PSTPIP1: variants seen among roughly 807,000 people sequenced by gnomAD.
The protein encoded by PSTPIP1 is proline-serine-threonine phosphatase interacting protein 1, also known as proline-serine-threonine phosphatase-interacting protein 1.
Under a neutral mutation model 69.6 loss-of-function variants are expected in PSTPIP1, and 66 were observed. That is an observed-to-expected ratio of 0.95 (90% confidence interval 0.78 to 1.16). The LOEUF is 1.16. Among genes scored for constraint, PSTPIP1 ranks in the 50% most tolerant of loss-of-function variants. The pLI, the probability that PSTPIP1 is intolerant of heterozygous loss-of-function variation, is 0.00. For synonymous variants in PSTPIP1, 266 were observed against 222.7 expected, an observed-to-expected ratio of 1.19 and a Z score of -1.73; for missense variants, 603 against 557.4, an observed-to-expected ratio of 1.08 and a Z score of -0.82.
chr15:77,036,218 G>A lies in PSTPIP1; in HGVS notation c.1119+283G>A, dbSNP rs557398563. On this transcript the variant is annotated intron_variant, in intron 14 of 14. Coordinates refer to ENST00000558012, the MANE Select transcript of PSTPIP1 (RefSeq NM_003978.5). ...GTGTGCAGCAGGCCTGTGTCTGCCC[G>A]GGCCTGTACACAGCACACACGTGGA... 6.6e-5 allele frequency among the ~76,000 whole-genome samples: 10 copies of A among 152,246 alleles called. No individual in the cohort carries two copies. In the South Asian group the frequency reaches 1.5e-3, roughly 22 times the overall value.
At chr15:77,023,259 C>A (rs2076201742) in intron 3 of PSTPIP1, among the ~76,000 whole-genome samples, 1 of 152,242 alleles carries the variant, frequency 6.6e-6, no homozygotes, top group Non-Finnish European at 1.5e-5. Flanking sequence ...TGACAGACAT[C>A]CGCTGGGCCA....
intron 10 of PSTPIP1, chr15:77,031,882 T>A (rs2076426463): frequency 5.3e-6 from 1 of 189,224 alleles, no homozygotes; most frequent in Non-Finnish European, 1.1e-5. Flanking sequence ...GGGTTGATTT[T>A]CTTGTTGTTT....
intron 1 of PSTPIP1, among the ~76,000 whole-genome samples, chr15:77,003,790 G>T (rs2075763419): frequency 6.6e-6 from 1 of 152,120 alleles, no homozygotes; most frequent in South Asian, 2.1e-4. Context: ...GGATGTCAGG[G>T]TCGTCATCAC....
chr15:77,016,566 G>C (rs914080013), intron 1 of PSTPIP1, among the ~76,000 whole-genome samples: 4 of 152,148 alleles, frequency 2.6e-5, no homozygotes, highest in African/African-American at 7.2e-5. Context: ...TTGCTCTGTG[G>C]ACAGCTGAGC....
At chr15:77,025,422 C>A (rs1333095710) in intron 4 of PSTPIP1, 76 bp from the exon 5 acceptor site, 15 of 1,588,762 alleles carry the variant, frequency 9.4e-6, no homozygotes, top group Admixed American at 1.7e-5. Context: ...CTGGGCTGGC[C>A]CACACGGGTG....
intron 1 of PSTPIP1, among the ~76,000 whole-genome samples, chr15:76,998,099 G>T (rs560108029): frequency 1.8e-4 from 27 of 152,184 alleles, no homozygotes; most frequent in Admixed American, 1.8e-3. Context: ...TTAGCCAGGC[G>T]TGATGGCATG....
At chr15:76,995,075 C>A, upstream of PSTPIP1, 3 of 1,179,950 alleles carry the variant, frequency 2.5e-6, no homozygotes, top group Non-Finnish European at 3.2e-6. Flanking sequence ...AGCACAGCAA[C>A]TCCACTTCCT....
At chr15:77,022,571 T>G (rs2076182849) in intron 3 of PSTPIP1, among the ~76,000 whole-genome samples, 1 of 152,068 alleles carries the variant, frequency 6.6e-6, no homozygotes, top group South Asian at 2.1e-4. Flanking sequence ...GAAGCAGGAA[T>G]TTCATGGGGC....
chr15:77,004,789 G>A (rs1254607027), intron 1 of PSTPIP1, among the ~76,000 whole-genome samples: 1 of 152,034 alleles, frequency 6.6e-6, no homozygotes, highest in Non-Finnish European at 1.5e-5. Flanking sequence ...GAGCCCAGGA[G>A]TTGGAAACTG....
rs1382045940 is a variant in PSTPIP1, at chr15:77,032,907, T to A, written c.884T>A (p.Leu295Gln). The change falls in exon 12 of 15, where the codon CTG becomes CAG. Residue 295 changes from leucine (L) to glutamine (Q), a missense_variant. Transcript: ENST00000558012. Reference protein sequence around the residue: ...QNYYDREVTPLTSSPGIQPSC... With the variant: ...QNYYDREVTPQTSSPGIQPSC... Reference sequence around the variant, plus strand: ...TATTACGATCGGGAGGTCACCCCGCTGACCAGCAGCCCTGGCATACAGCCG... The same window carrying A: ...TATTACGATCGGGAGGTCACCCCGCAGACCAGCAGCCCTGGCATACAGCCG... The A allele has an allele frequency of 6.2e-7, 1 of 1,605,266 alleles. No individual in the cohort carries two copies. The highest frequency in any genetic ancestry group is 8.5e-7 in the Non-Finnish European group (1 of 1,176,506).
At chr15:77,020,909 C>T (rs2076147640) in intron 3 of PSTPIP1, among the ~76,000 whole-genome samples, 1 of 151,748 alleles carries the variant, frequency 6.6e-6, no homozygotes, top group Non-Finnish European at 1.5e-5. Context: ...GGAAAGGTGA[C>T]CCGGCTCTTC....
At chr15:76,997,695 T>C (rs1163453176) in intron 1 of PSTPIP1, among the ~76,000 whole-genome samples, 1 of 152,170 alleles carries the variant, frequency 6.6e-6, no homozygotes, top group Non-Finnish European at 1.5e-5. Context: ...TCTTTTGGCT[T>C]CGGGGTAAGA....
Position 77,018,224 on chromosome 15 carries a change from A to T in PSTPIP1, c.113A>T (p.Asp38Val), listed in dbSNP as rs2076089606. 1 of 1,585,238 alleles carries T rather than the reference A, an allele frequency of 6.3e-7. No individual in the cohort carries two copies. The part of the protein sequence containing the change: ...RLLDGRKMCK[D>V]MEELLRQRAQ... ...CTGGATGGCAGGAAGATGTGCAAAG[A>T]CATGGAGGAGCTACTGAGGCAGAGG... The change falls in exon 2 of 15, where the codon GAC becomes GTC. Residue 38 changes from aspartate (D) to valine (V), a missense_variant. Asp to Val is a radical substitution (Grantham distance 152). Transcript: ENST00000558012.
At chr15:77,035,397 C>A in intron 12 of PSTPIP1, 111 bp from the exon 13 acceptor site, 2 of 1,180,420 alleles carry the variant, frequency 1.7e-6, no homozygotes, top group Non-Finnish European at 2.5e-6. Context: ...GCAGTCCCAG[C>A]CCTGGCAGAG....
intron 11 of PSTPIP1, 61 bp downstream of exon 11, chr15:77,032,455 G>A: frequency 6.4e-7 from 1 of 1,560,576 alleles, no homozygotes; most frequent in Non-Finnish European, 8.8e-7. Context: ...GGAAGGCCCG[G>A]CCCTGAGCCT....
chr15:77,000,558 G>A (rs1251173353), intron 1 of PSTPIP1, among the ~76,000 whole-genome samples: 1 of 151,218 alleles, frequency 6.6e-6, no homozygotes. Context: ...ATCCTAAAAG[G>A]AAAGTGGGGA....
In PSTPIP1 at chr15:77,028,617, A is replaced by C; in HGVS notation, c.481A>C (p.Ile161Leu). Residue 161 changes from isoleucine (I) to leucine (L), a missense_variant, in exon 7 of 15, where the codon ATT becomes CTT. Physicochemically the swap from Ile to Leu is conservative, Grantham distance 5 (BLOSUM62 2). Coordinates refer to ENST00000558012, the MANE Select transcript of PSTPIP1 (RefSeq NM_003978.5). ...ADDAEQAFERISANGHQKQVE... is the reference protein window; with the variant it reads ...ADDAEQAFERLSANGHQKQVE... ...CGACGCGGAGCAGGCCTTCGAGCGC[A>C]TTAGCGCCAACGGCCACCAGAAGCA... 6.3e-7 allele frequency: 1 copy of C among 1,592,598 alleles called. No individual in the cohort carries two copies.
chr15:77,007,840 C>T (rs568005094), intron 1 of PSTPIP1: 16 of 450,834 alleles, frequency 3.5e-5, no homozygotes, highest in Non-Finnish European at 5.3e-5. Context: ...GTGATCTGCC[C>T]GTCTAGGCCT....
At chr15:76,995,791 G>A (rs1276758261) in intron 1 of PSTPIP1, among the ~76,000 whole-genome samples, 182 bp downstream of exon 1, 1 of 152,230 alleles carries the variant, frequency 6.6e-6, no homozygotes, top group South Asian at 2.1e-4. Context: ...TGGAACGCAA[G>A]TGGACTCCGT....
Sources: gnomAD v4.1 joint callset for allele counts (sites outside exome capture counted in the v4.1 genomes callset) on GRCh38, gnomAD v4.1.1 for gene constraint, MANE v1.5 for transcripts, NCBI Gene and HGNC (gene_info 2026-07-23, HGNC 2026-07-21) for gene names.